Variants in EYS observed in about 807,000 individuals in gnomAD.
The protein encoded by EYS is EGF-like photoreceptor maintenance factor.
In EYS, 250 loss-of-function variants were observed where a neutral mutation model predicts 282.1. The observed-to-expected ratio is 0.89, with a 90% CI of 0.80 to 0.98. EYS has a LOEUF of 0.98. Among genes scored for constraint, EYS ranks in the 50% least tolerant of loss-of-function variants. The probability of loss-of-function intolerance (pLI) is 0.00; values close to 1 mark genes in which losing one functional copy is unlikely to be tolerated. For missense variants in EYS, 4,016 were observed against 3,709.0 expected, an observed-to-expected ratio of 1.08 and a Z score of -2.15; for synonymous variants, 1,355 against 1,282.9, an observed-to-expected ratio of 1.06 and a Z score of -1.20.
intron 12 of EYS, among the ~76,000 whole-genome samples, chr6:65,089,468 C>G (rs1258121364): frequency 6.6e-6 from 1 of 152,080 alleles, no homozygotes; most frequent in Non-Finnish European, 1.5e-5. Flanking sequence ...TGCTTGAGGC[C>G]TGGAGCCCCT....
intron 22 of EYS, among the ~76,000 whole-genome samples, chr6:64,628,042 T>G (rs1767666165): frequency 2.0e-5 from 3 of 152,136 alleles, no homozygotes; most frequent in Admixed American, 2.0e-4. Context: ...ATCACGCCAC[T>G]GCACTCCAGC....
At chr6:64,398,153 G>T (rs1437509779) in intron 28 of EYS, among the ~76,000 whole-genome samples, 1 of 151,874 alleles carries the variant, frequency 6.6e-6, no homozygotes, top group East Asian at 1.9e-4. Context: ...CCAAGTAACT[G>T]CTGAACACCA....
intron 9 of EYS, among the ~76,000 whole-genome samples, chr6:65,344,753 C>CA (rs996593808): frequency 6.6e-6 from 1 of 150,894 alleles, no homozygotes; most frequent in African/African-American, 2.4e-5. Flanking sequence ...AAAAACCAAA[C>CA]AAAAAAATGG....
At chr6:64,458,851 C>T (rs1383036764) in intron 26 of EYS, among the ~76,000 whole-genome samples, 1 of 152,078 alleles carries the variant, frequency 6.6e-6, no homozygotes, top group Non-Finnish European at 1.5e-5. Context: ...AATCATGGAA[C>T]TTAGAAATGG....
chr6:63,973,920 G>A (rs1040331629), intron 35 of EYS, among the ~76,000 whole-genome samples: 1 of 152,014 alleles, frequency 6.6e-6, no homozygotes. Context: ...AAAAGGTTAA[G>A]CAGTTTTCTT....
At chr6:65,391,593 C>T (rs1360885879) in intron 7 of EYS, among the ~76,000 whole-genome samples, 1 of 152,030 alleles carries the variant, frequency 6.6e-6, no homozygotes, top group African/African-American at 2.4e-5. Context: ...GAATAAAATA[C>T]CTAGGATTCC....
intron 10 of EYS, among the ~76,000 whole-genome samples, chr6:65,337,541 G>A (rs1770034665): frequency 6.6e-6 from 1 of 150,856 alleles, no homozygotes; most frequent in African/African-American, 2.4e-5. Flanking sequence ...ATATCTACAG[G>A]TAGTTTAGCT....
intron 31 of EYS, among the ~76,000 whole-genome samples, chr6:64,133,203 G>A (rs1345216265): frequency 1.3e-5 from 2 of 151,650 alleles, no homozygotes; most frequent in Non-Finnish European, 2.9e-5. Flanking sequence ...CCTTACTCTT[G>A]TTCACATTTT....
In EYS at chr6:65,503,393, T is replaced by G. The variant is rs573264260; in HGVS notation, c.-332-7400A>C. Among the ~76,000 whole-genome samples, 35 of 151,814 alleles carry G rather than the reference T, an allele frequency of 2.3e-4. 1 individual carries two copies. Among genetic ancestry groups the G allele is most frequent in the African/African-American group, 8.4e-4 (35 of 41,536 alleles). ...TTATCAGATATGTGTTTTGCCAATA[T>G]TTCTCCAAGTAGTTATTTTTGTTCT... is the stretch of plus-strand genomic sequence containing the variant. On this transcript the variant is annotated intron_variant, in intron 2 of 42. Transcript: ENST00000503581.
chr6:63,950,664 C>A (rs1057276972), intron 35 of EYS, among the ~76,000 whole-genome samples: 2 of 152,108 alleles, frequency 1.3e-5, no homozygotes, highest in South Asian at 4.1e-4. Flanking sequence ...CTCTTTGCTC[C>A]GTGAGAAAGA....
intron 30 of EYS, among the ~76,000 whole-genome samples, chr6:64,240,194 T>C (rs993374045): frequency 1.3e-5 from 2 of 152,192 alleles, no homozygotes; most frequent in African/African-American, 2.4e-5. Flanking sequence ...GTGTGATGCC[T>C]CCAGGCTTGT....
chr6:63,844,288 C>T (rs770435204), intron 36 of EYS, among the ~76,000 whole-genome samples: 4 of 152,150 alleles, frequency 2.6e-5, no homozygotes. Flanking sequence ...AATGTCTTTG[C>T]TATTGTGAAT....
At chr6:65,601,622 C>G (rs1194399100) in intron 2 of EYS, among the ~76,000 whole-genome samples, 2 of 151,884 alleles carry the variant, frequency 1.3e-5, no homozygotes, top group Non-Finnish European at 2.9e-5. Flanking sequence ...TACTAGAGAT[C>G]TAAGATGGAA....
intron 2 of EYS, among the ~76,000 whole-genome samples, chr6:65,509,092 AAACAT>A (rs1395371260): frequency 3.9e-5 from 6 of 152,336 alleles, no homozygotes; most frequent in Admixed American, 2.6e-4. Context: ...AGATGAAAAT[AAACAT>A]AACATAAGAG....
At chr6:64,784,676 G>T (rs540338100) in intron 22 of EYS, among the ~76,000 whole-genome samples, 15 of 152,022 alleles carry the variant, frequency 9.9e-5, no homozygotes, top group African/African-American at 3.4e-4. Flanking sequence ...TGTTGTTGTT[G>T]TTGTTGTTTG....
intron 5 of EYS, among the ~76,000 whole-genome samples, chr6:65,410,674 G>T (rs1297458265): frequency 1.3e-5 from 2 of 149,516 alleles, no homozygotes; most frequent in Non-Finnish European, 3.0e-5. Context: ...TCTGTGTCTG[G>T]CCTATTTCAA....
chr6:63,903,778 CA>C (rs1312423094), intron 35 of EYS, among the ~76,000 whole-genome samples: 2 of 152,118 alleles, frequency 1.3e-5, no homozygotes, highest in Non-Finnish European at 2.9e-5. Flanking sequence ...TGATGGAACG[CA>C]GACAGGAGGT....
intron 31 of EYS, among the ~76,000 whole-genome samples, chr6:64,142,763 G>C (rs79479651): frequency 0.025 from 3,802 of 152,248 alleles, 70 homozygotes; most frequent in Non-Finnish European, 0.038. Context: ...GAAATGATGA[G>C]AGCCTAAATT....
At chr6:64,164,167 C>A (rs1057396104) in intron 31 of EYS, among the ~76,000 whole-genome samples, 1 of 152,064 alleles carries the variant, frequency 6.6e-6, no homozygotes, top group African/African-American at 2.4e-5. Context: ...TGGAAAATAA[C>A]CACTGTTTTC....
Sources: gnomAD v4.1 joint callset for allele counts (sites outside exome capture counted in the v4.1 genomes callset) on GRCh38, gnomAD v4.1.1 for gene constraint, MANE v1.5 for transcripts, NCBI Gene and HGNC (gene_info 2026-07-23, HGNC 2026-07-21) for gene names.